Variants in AMPH observed in about 807,000 individuals in gnomAD.
The protein encoded by AMPH is amphiphysin (Stiff-Mann syndrome with breast cancer 128kD autoantigen).
Under a neutral mutation model 99.1 loss-of-function variants are expected in AMPH, and 49 were observed. That is an observed-to-expected ratio of 0.49 (90% CI 0.39 to 0.63). The LOEUF (loss-of-function observed/expected upper bound fraction) is 0.63. Ranked by LOEUF, AMPH falls within the 20% of genes least tolerant of loss-of-function variation. The probability of loss-of-function intolerance (pLI) is 0.00; values close to 1 mark genes in which losing one functional copy is unlikely to be tolerated. For synonymous variants in AMPH, 314 were observed against 317.3 expected, an observed-to-expected ratio of 0.99 and a Z score of 0.11; for missense variants, 759 against 863.4, an observed-to-expected ratio of 0.88 and a Z score of 1.52.
chr7:38,418,496 A>T (rs1243976943), intron 16 of AMPH, among the ~76,000 whole-genome samples: 2 of 152,216 alleles, frequency 1.3e-5, no homozygotes, highest in African/African-American at 4.8e-5. Flanking sequence ...AGTCATTCTA[A>T]TAGTCAGACT....
At position 38,411,436 on chromosome 7, in the gene AMPH, T is replaced by C. The variant is rs112475881; in HGVS notation, c.1398+6389A>G. 5.1e-3 allele frequency among the ~76,000 whole-genome samples: 772 copies of C among 152,318 alleles called. 9 individuals are homozygous for C. Among genetic ancestry groups the C allele is most frequent in the African/African-American group, 0.017 (715 of 41,562 alleles). ...ATCTCTAATCTCAAATCAAGCACTT[T>C]TTCCTGATCATGTTTAAGGTCCAGC... On this transcript the variant is annotated intron_variant, in intron 17 of 20. Coordinates refer to ENST00000356264, the MANE Select transcript of AMPH (RefSeq NM_001635.4).
intron 2 of AMPH, among the ~76,000 whole-genome samples, chr7:38,505,024 G>T (rs1214611022): frequency 1.3e-5 from 2 of 151,876 alleles, no homozygotes; most frequent in Non-Finnish European, 2.9e-5. Context: ...GGTGGTGGGG[G>T]GACCCTCTTT....
chr7:38,527,361 G>C (rs770348058), intron 2 of AMPH, among the ~76,000 whole-genome samples: 1 of 152,224 alleles, frequency 6.6e-6, no homozygotes, highest in Non-Finnish European at 1.5e-5. Context: ...CATGTTTACT[G>C]TGTTGAGGCT....
At chr7:38,423,700 G>T (rs761555193) in intron 15 of AMPH, among the ~76,000 whole-genome samples, 20 of 152,150 alleles carry the variant, frequency 1.3e-4, no homozygotes, top group Non-Finnish European at 2.6e-4. Flanking sequence ...AAATCAGTCC[G>T]ATTTGTTCCT....
intron 1 of AMPH, among the ~76,000 whole-genome samples, chr7:38,577,753 G>GA (rs1464051818): frequency 6.7e-6 from 1 of 148,338 alleles, no homozygotes; most frequent in Middle Eastern, 3.2e-3. Flanking sequence ...AAGGAAGGAA[G>GA]AAAAAAGGAA....
intron 6 of AMPH, among the ~76,000 whole-genome samples, chr7:38,476,065 G>A (rs542662139): frequency 6.6e-6 from 1 of 152,242 alleles, no homozygotes; most frequent in East Asian, 1.9e-4. Flanking sequence ...TGGTATCCAG[G>A]AGGCCTCTCA....
chr7:38,615,425 A>G (rs951537868), intron 1 of AMPH, among the ~76,000 whole-genome samples: 3 of 152,180 alleles, frequency 2.0e-5, no homozygotes, highest in African/African-American at 4.8e-5. Flanking sequence ...AAAACCTGGA[A>G]GCCCCAGCTC....
chr7:38,565,980 T>C (rs1339551581), intron 1 of AMPH, among the ~76,000 whole-genome samples: 1 of 152,344 alleles, frequency 6.6e-6, no homozygotes, highest in African/African-American at 2.4e-5. Context: ...AAAGAAAAGA[T>C]ATCTTCATAT....
At chr7:38,559,534 A>G (rs1171937167) in intron 1 of AMPH, among the ~76,000 whole-genome samples, 1 of 152,216 alleles carries the variant, frequency 6.6e-6, no homozygotes, top group African/African-American at 2.4e-5. Context: ...ATATAGAAAC[A>G]AATGGAAGTT....
intron 2 of AMPH, among the ~76,000 whole-genome samples, chr7:38,523,107 T>TAA (rs60807450): frequency 3.6e-4 from 48 of 132,772 alleles, no homozygotes; most frequent in African/African-American, 1.3e-3. Flanking sequence ...AAACTCTGTC[T>TAA]AAAAAAAAAA....
chr7:38,547,081 A>G (rs80026999), intron 1 of AMPH, among the ~76,000 whole-genome samples: 3 of 152,022 alleles, frequency 2.0e-5, no homozygotes, highest in Non-Finnish European at 4.4e-5. Context: ...ACCAGCAGCC[A>G]TCTCATCCCC....
chr7:38,480,415 C>T lies in AMPH; in HGVS notation c.397-3446G>A, dbSNP rs559730574. On this transcript the variant is annotated intron_variant, in intron 5 of 20. Transcript: ENST00000356264. Reference sequence around the variant, plus strand: ...GGGTTCTTTGCTCACCTCATCCAATCTCATCCCTGCTTCTCAGTCTCGGTT... The same window carrying T: ...GGGTTCTTTGCTCACCTCATCCAATTTCATCCCTGCTTCTCAGTCTCGGTT... Among the ~76,000 whole-genome samples the T allele has an allele frequency of 4.6e-5, 7 of 152,216 alleles. No homozygotes were observed. The South Asian group carries it at 1.5e-3, about 32-fold the overall frequency.
At chr7:38,541,702 T>G (rs1435616117) in intron 1 of AMPH, among the ~76,000 whole-genome samples, 1 of 152,238 alleles carries the variant, frequency 6.6e-6, no homozygotes, top group African/African-American at 2.4e-5. Flanking sequence ...CTGTCCCATT[T>G]GAATGGCCTT....
At chr7:38,488,856 A>C (rs1341953122) in intron 5 of AMPH, among the ~76,000 whole-genome samples, 4 of 152,196 alleles carry the variant, frequency 2.6e-5, no homozygotes, top group African/African-American at 4.8e-5. Context: ...AGGCACAAAC[A>C]AATGGAATGG....
At chr7:38,527,413 C>A (rs1241599277) in intron 2 of AMPH, among the ~76,000 whole-genome samples, 2 of 152,058 alleles carry the variant, frequency 1.3e-5, no homozygotes, top group Admixed American at 6.5e-5. Context: ...GTATTTAGTT[C>A]TTTTTGATTT....
intron 1 of AMPH, among the ~76,000 whole-genome samples, chr7:38,585,225 A>C (rs1792602584): frequency 3.3e-5 from 5 of 152,206 alleles, no homozygotes. Flanking sequence ...GATTCTGAGA[A>C]TCTACAAGGC....
intron 1 of AMPH, among the ~76,000 whole-genome samples, chr7:38,586,207 C>T (rs907824838): frequency 6.6e-6 from 1 of 152,102 alleles, no homozygotes; most frequent in East Asian, 1.9e-4. Flanking sequence ...CCAACGAACA[C>T]GTAAGTAAAG....
intron 2 of AMPH, among the ~76,000 whole-genome samples, chr7:38,525,476 G>GTC (rs1389594148): frequency 6.6e-6 from 1 of 150,522 alleles, no homozygotes; most frequent in Non-Finnish European, 1.5e-5. Context: ...GTGTGTGTGT[G>GTC]TGTGTTTAGT....
intron 10 of AMPH, among the ~76,000 whole-genome samples, chr7:38,462,471 C>T (rs1257050781): frequency 6.6e-6 from 1 of 152,112 alleles, no homozygotes; most frequent in Non-Finnish European, 1.5e-5. Context: ...TTGCCCAGCC[C>T]TTATTGTTTC....
Sources: allele counts gnomAD v4.1 joint callset (sites outside exome capture counted in the v4.1 genomes callset), GRCh38; gene constraint gnomAD v4.1.1; transcripts MANE v1.5; gene names NCBI Gene and HGNC (gene_info 2026-07-23, HGNC 2026-07-21).